The following STN1 variants were observed in gnomAD, a reference collection of about 807,000 sequenced individuals.
The protein encoded by STN1 is CST complex subunit STN1.
In STN1, 29 loss-of-function variants were observed where a neutral mutation model predicts 45.5. That is an observed-to-expected ratio of 0.64 (90% CI 0.47 to 0.87). The LOEUF is 0.87. Ranked by LOEUF, STN1 falls within the 40% of genes least tolerant of loss-of-function variation. The pLI is 0.00. For synonymous variants in STN1, 148 were observed against 159.0 expected (o/e 0.93, Z 0.52); for missense variants, 376 against 441.4 (o/e 0.85, Z 1.33).
rs750541162 is a variant in STN1, at chr10:103,889,053, T to A, written c.949+19A>T. On this transcript the variant is annotated intron_variant, in intron 9 of 9. Coordinates refer to ENST00000224950, the MANE Select transcript of STN1 (RefSeq NM_024928.5). ...CCTTCCAGGGCACCAGGGCATCACT[T>A]GTACATTATACCACTTACGATTTGG... The A allele has an allele frequency of 1.9e-6, 3 of 1,576,826 alleles. No individual in the cohort carries two copies. The Admixed American group carries it at 5.0e-5, about 26-fold the overall frequency.
intron 2 of STN1, among the ~76,000 whole-genome samples, chr10:103,912,784 T>C (rs1213640523): frequency 6.6e-6 from 1 of 152,126 alleles, no homozygotes; most frequent in African/African-American, 2.4e-5. Flanking sequence ...CAGAGTAAAG[T>C]TAGAGAGAAC....
At chr10:103,886,479 T>G (rs191788657) in intron 9 of STN1, among the ~76,000 whole-genome samples, 1 of 152,300 alleles carries the variant, frequency 6.6e-6, no homozygotes, top group African/African-American at 2.4e-5. Context: ...TAGAGCTCTT[T>G]TGGATAATTT....
At chr10:103,890,570 G>A (rs906025842) in intron 8 of STN1, among the ~76,000 whole-genome samples, 2 of 152,204 alleles carry the variant, frequency 1.3e-5, no homozygotes, top group Non-Finnish European at 2.9e-5. Context: ...GTGTGTCCCA[G>A]AGCAGGGCTC....
Position 103,882,591 on chromosome 10 carries a change from G to A in STN1, c.*93C>T, listed in dbSNP as rs113719785. The A allele has an allele frequency of 7.5e-6, 10 of 1,329,894 alleles. No individual in the cohort carries two copies. The highest frequency in any genetic ancestry group is 7.3e-5 in the African/African-American group (5 of 68,116). The allele number at this position is 1,329,894 out of a possible 1,614,324, so 82.4% of individuals were successfully genotyped here. On this transcript the variant is annotated 3_prime_UTR_variant, in exon 10 of 10. Transcript: ENST00000224950. ...GTTTATTATGAGGTAACTGCCTCCA[G>A]ACAGATAAGCCCCTGCATGATGCTG...
intron 6 of STN1, among the ~76,000 whole-genome samples, chr10:103,898,114 G>C (rs1314017322): frequency 2.0e-5 from 3 of 152,206 alleles, no homozygotes; most frequent in Non-Finnish European, 4.4e-5. Context: ...TGAGGCAGGA[G>C]ACAGGAAAAT....
intron 3 of STN1, 51 bp downstream of exon 3, chr10:103,910,476 A>T (rs778870131): frequency 1.6e-6 from 2 of 1,281,024 alleles, no homozygotes; most frequent in Admixed American, 3.5e-5. Flanking sequence ...CTTTCAGCCC[A>T]GAAGGGTCAG....
chr10:103,911,365 T>C (rs1027889334), intron 2 of STN1, among the ~76,000 whole-genome samples: 1 of 152,124 alleles, frequency 6.6e-6, no homozygotes, highest in Non-Finnish European at 1.5e-5. Flanking sequence ...CCCTTCTGCC[T>C]GTCCCCCAAT....
intron 2 of STN1, among the ~76,000 whole-genome samples, chr10:103,913,570 TAGAA>T (rs1337276834): frequency 1.3e-5 from 2 of 152,086 alleles, no homozygotes; most frequent in Admixed American, 6.5e-5. Context: ...ATACACTGCT[TAGAA>T]AGAAGAAACT....
At chr10:103,892,948 T>G (rs1035367328) in intron 7 of STN1, among the ~76,000 whole-genome samples, 3 of 152,236 alleles carry the variant, frequency 2.0e-5, no homozygotes, top group African/African-American at 4.8e-5. Context: ...CTATCAGCTA[T>G]GTCCCCCCAT....
chr10:103,885,135 A>AG (rs1843095352), intron 9 of STN1, among the ~76,000 whole-genome samples: 1 of 152,088 alleles, frequency 6.6e-6, no homozygotes, highest in African/African-American at 2.4e-5. Context: ...ATGAGAGACC[A>AG]GGGGGAACTA....
chr10:103,887,987 T>C (rs560288533), intron 9 of STN1, among the ~76,000 whole-genome samples: 26 of 152,336 alleles, frequency 1.7e-4, no homozygotes, highest in African/African-American at 6.0e-4. Flanking sequence ...GCTCCTTCAA[T>C]TGTGGACAGA....
At chr10:103,883,324 C>T (rs1843083157) in intron 9 of STN1, among the ~76,000 whole-genome samples, 1 of 151,988 alleles carries the variant, frequency 6.6e-6, no homozygotes, top group Non-Finnish European at 1.5e-5. Flanking sequence ...CTACCTTTGG[C>T]CTGTTCTCAT....
chr10:103,883,354 A>G lies in STN1; in HGVS notation c.950-513T>C, dbSNP rs535099467. 7.9e-5 allele frequency among the ~76,000 whole-genome samples: 12 copies of G among 152,130 alleles called. No individual in the cohort carries two copies. In the East Asian group the frequency reaches 2.1e-3, roughly 27 times the overall value. On this transcript the variant is annotated intron_variant, in intron 9 of 9. Transcript: ENST00000224950. ...TCTCATTCCTCTCTTCCTGGCTTCC[A>G]AAAGTCTTATCTGTGATGGTTGTAT...
At chr10:103,895,623 C>T (rs1589498523) in intron 7 of STN1, among the ~76,000 whole-genome samples, 1 of 152,198 alleles carries the variant, frequency 6.6e-6, no homozygotes, top group Non-Finnish European at 1.5e-5. Context: ...TCCCTCATCT[C>T]CTCGTATGAA....
At chr10:103,914,349 T>C (rs1352421422) in intron 2 of STN1, among the ~76,000 whole-genome samples, 5,806 of 17,296 alleles carry the variant, frequency 0.34, 466 homozygotes, top group South Asian at 0.37. Context: ...TATATATATA[T>C]ATATATATAT....
chr10:103,892,633 C>T (rs558280432), intron 7 of STN1, among the ~76,000 whole-genome samples: 1 of 152,138 alleles, frequency 6.6e-6, no homozygotes, highest in Non-Finnish European at 1.5e-5. Flanking sequence ...TGTATACAAT[C>T]TCTTCCTAGG....
intron 9 of STN1, among the ~76,000 whole-genome samples, chr10:103,888,068 T>G (rs1407932529): frequency 6.6e-6 from 1 of 152,248 alleles, no homozygotes; most frequent in Non-Finnish European, 1.5e-5. Context: ...TCCATTCACT[T>G]GCACTGAAAT....
rs907458217 is a variant in STN1 at position 103,912,156 on chromosome 10, A to C, written c.134-1534T>G. Among the ~76,000 whole-genome samples, 5 of 152,050 alleles carry C rather than the reference A, an allele frequency of 3.3e-5. No individual in the cohort carries two copies. In the East Asian group the frequency reaches 5.8e-4, roughly 18 times the overall value. ...AAAGAGAGTCACCTCCATCCAGGAA[A>C]ACTTGGATTGAATGGAGACAAAGTG... On this transcript the variant is annotated intron_variant, in intron 2 of 9. Coordinates refer to ENST00000224950, the MANE Select transcript of STN1 (RefSeq NM_024928.5).
At chr10:103,907,344 T>C (rs998357227) in intron 3 of STN1, among the ~76,000 whole-genome samples, 4 of 152,204 alleles carry the variant, frequency 2.6e-5, no homozygotes, top group Admixed American at 1.3e-4. Context: ...ACATGGCTCA[T>C]TGTAAAATAG....
Sources: allele counts gnomAD v4.1 joint callset (sites outside exome capture counted in the v4.1 genomes callset), GRCh38; gene constraint gnomAD v4.1.1; transcripts MANE v1.5; gene names NCBI Gene and HGNC (gene_info 2026-07-23, HGNC 2026-07-21).